Variants in SCAPER observed in about 807,000 individuals in gnomAD.
The protein encoded by SCAPER is S-phase cyclin A associated protein in the ER, also known as S phase cyclin A-associated protein in the endoplasmic reticulum.
A neutral mutation model predicts 182.2 loss-of-function variants in SCAPER; 98 were observed. The ratio of observed to expected loss-of-function variants is 0.54; its 90% CI spans 0.46 to 0.64. The LOEUF is 0.64. SCAPER is among the 30% of genes least tolerant of loss of function. SCAPER has a pLI of 0.00. For missense variants in SCAPER, 1,432 were observed against 1,690.0 expected (o/e 0.85, Z 2.68); for synonymous variants, 605 against 564.6 (o/e 1.07, Z -1.01).
chr15:76,510,003 TG>T (rs1449697422), intron 23 of SCAPER, among the ~76,000 whole-genome samples: 2 of 152,170 alleles, frequency 1.3e-5, no homozygotes, highest in Non-Finnish European at 2.9e-5. Context: ...CAAATGGTGC[TG>T]GGATAATTGG....
intron 29 of SCAPER, among the ~76,000 whole-genome samples, chr15:76,370,771 C>G (rs1215884399): frequency 6.6e-6 from 1 of 152,110 alleles, no homozygotes; most frequent in South Asian, 2.1e-4. Flanking sequence ...GGGCTAGAAC[C>G]CAGGCTTTCT....
At chr15:76,540,474 G>T (rs1041388312) in intron 23 of SCAPER, among the ~76,000 whole-genome samples, 1 of 152,108 alleles carries the variant, frequency 6.6e-6, no homozygotes, top group African/African-American at 2.4e-5. Flanking sequence ...GACATGAGAT[G>T]TTCATATATA....
intron 4 of SCAPER, among the ~76,000 whole-genome samples, chr15:76,850,705 C>T (rs913151908): frequency 4.6e-5 from 7 of 151,686 alleles, no homozygotes; most frequent in East Asian, 1.9e-4. Flanking sequence ...TACAAAAATA[C>T]AAAAATCAGC....
intron 23 of SCAPER, among the ~76,000 whole-genome samples, chr15:76,505,852 A>C (rs767812942): frequency 2.0e-5 from 3 of 152,230 alleles, no homozygotes; most frequent in Non-Finnish European, 4.4e-5. Flanking sequence ...CTAAGTGTCC[A>C]TCAGGAGATG....
chr15:76,466,416 CTTCTTTTTTTTTTT>C lies in SCAPER; in HGVS notation c.3078+4782_3078+4795del, dbSNP rs1418569703. ...TCTTCAGTTCCAAAATTGGTTGGTT[CTTCTTTTTTTTTTT>C]TTTTTTTTTTTTGTATTTTCTGTCT... On this transcript the variant is annotated intron_variant, in intron 25 of 31. Coordinates refer to ENST00000563290, the MANE Select transcript of SCAPER (RefSeq NM_020843.4). 8.2e-3 allele frequency among the ~76,000 whole-genome samples: 302 copies of C among 36,784 alleles called. 2 individuals carry two copies. The highest frequency in any genetic ancestry group is 0.013 in the Non-Finnish European group (196 of 15,284). The allele number at this position is 36,784 out of a possible 152,430, so 24.1% of individuals were successfully genotyped here.
At chr15:76,640,883 T>C (rs989295841) in intron 21 of SCAPER, among the ~76,000 whole-genome samples, 7 of 152,204 alleles carry the variant, frequency 4.6e-5, no homozygotes, top group Non-Finnish European at 8.8e-5. Context: ...AGCCTATGAA[T>C]GGACGTGCAG....
chr15:76,592,256 T>TCTA (rs367809165), intron 22 of SCAPER, among the ~76,000 whole-genome samples: 1 of 124,866 alleles, frequency 8.0e-6, no homozygotes, highest in East Asian at 2.1e-4. Context: ...GGAAGATATT[T>TCTA]TAGAAATAAA....
chr15:76,716,153 C>T (rs2059878053), intron 17 of SCAPER, among the ~76,000 whole-genome samples: 1 of 152,168 alleles, frequency 6.6e-6, no homozygotes, highest in Non-Finnish European at 1.5e-5. Context: ...ACATCACTGA[C>T]ACAGACTCCT....
intron 17 of SCAPER, among the ~76,000 whole-genome samples, chr15:76,722,535 C>T (rs1243093417): frequency 1.3e-5 from 2 of 152,130 alleles, no homozygotes; most frequent in Non-Finnish European, 1.5e-5. Context: ...TGGTAGAATT[C>T]GGCTGTGAAT....
At chr15:76,608,123 GT>G (rs985586720) in intron 22 of SCAPER, among the ~76,000 whole-genome samples, 2 of 152,004 alleles carry the variant, frequency 1.3e-5, no homozygotes, top group African/African-American at 2.4e-5. Flanking sequence ...TTTTTCTGCT[GT>G]TTTTTTTCCC....
chr15:76,756,249 A>AC (rs2062423729), intron 14 of SCAPER, among the ~76,000 whole-genome samples: 2 of 146,910 alleles, frequency 1.4e-5, no homozygotes, highest in Admixed American at 1.6e-4. Context: ...GTCTCAAAAA[A>AC]AAAAAAAAAA....
At chr15:76,470,851 G>T (rs2050100763) in intron 25 of SCAPER, among the ~76,000 whole-genome samples, 1 of 152,106 alleles carries the variant, frequency 6.6e-6, no homozygotes, top group Non-Finnish European at 1.5e-5. Context: ...AGGTTTTGAG[G>T]CTTTCCTAAC....
At chr15:76,492,000 T>C (rs1239229206) in intron 24 of SCAPER, among the ~76,000 whole-genome samples, 1 of 152,248 alleles carries the variant, frequency 6.6e-6, no homozygotes, top group South Asian at 2.1e-4. Context: ...TGTGTATTTC[T>C]TAATGATGTT....
Position 76,434,192 on chromosome 15 carries a change from G to A in SCAPER, c.3197C>T (p.Ala1066Val). Residue 1066 changes from alanine to valine, a missense_variant, in exon 26 of 32, where the codon GCC becomes GTC. By Grantham distance (64) the Ala-to-Val change is moderately conservative. Coordinates refer to ENST00000563290, the MANE Select transcript of SCAPER (RefSeq NM_020843.4). The stretch of plus-strand genomic sequence containing the variant: ...CTGGCAGTTTCCATCTGGTCGATTG[G>A]CAATCAGGCAGCCCAAAACCACAGC... The part of the protein sequence containing the change: ...VSAVVLGCLI[A>V]NRPDGNCQPA... 1 of 1,613,858 alleles carries A rather than the reference G, an allele frequency of 6.2e-7. No homozygotes were observed. Among genetic ancestry groups the A allele is most frequent in the Non-Finnish European group, 8.5e-7 (1 of 1,179,864 alleles).
chr15:76,695,406 G>A (rs940928683), intron 20 of SCAPER, among the ~76,000 whole-genome samples: 2 of 151,992 alleles, frequency 1.3e-5, no homozygotes, highest in Non-Finnish European at 2.9e-5. Context: ...GACCAGCCTG[G>A]CTGACATGGT....
intron 17 of SCAPER, among the ~76,000 whole-genome samples, chr15:76,725,950 C>CAA (rs34812589): frequency 1.2e-4 from 18 of 145,534 alleles, no homozygotes; most frequent in Non-Finnish European, 2.3e-4. Context: ...TTGAATATGA[C>CAA]AAAAAAAAAG....
intron 23 of SCAPER, among the ~76,000 whole-genome samples, chr15:76,552,548 G>A (rs2045868321): frequency 6.6e-6 from 1 of 152,102 alleles, no homozygotes; most frequent in South Asian, 2.1e-4. Context: ...AGTTGAATAG[G>A]TAAGCACTGG....
intron 25 of SCAPER, among the ~76,000 whole-genome samples, chr15:76,459,447 C>T (rs1010489179): frequency 5.3e-5 from 8 of 151,652 alleles, no homozygotes; most frequent in Admixed American, 3.3e-4. Context: ...TGATTAGTGA[C>T]GTTCAGCTGT....
At chr15:76,509,515 T>C (rs2041861865) in intron 23 of SCAPER, among the ~76,000 whole-genome samples, 1 of 152,188 alleles carries the variant, frequency 6.6e-6, no homozygotes, top group South Asian at 2.1e-4. Flanking sequence ...CAATTTTTTG[T>C]TTTTAAAATT....
Sources: allele counts gnomAD v4.1 joint callset (sites outside exome capture counted in the v4.1 genomes callset), GRCh38; gene constraint gnomAD v4.1.1; transcripts MANE v1.5; gene names NCBI Gene and HGNC (gene_info 2026-07-23, HGNC 2026-07-21).